UCHL3: variants seen among roughly 807,000 people sequenced by gnomAD.
UCHL3 encodes ubiquitin C-terminal hydrolase L3.
In UCHL3, 22 loss-of-function variants were observed where a neutral mutation model predicts 35.8. That is an observed-to-expected ratio of 0.61 (90% CI 0.44 to 0.88). The LOEUF is 0.88. Among genes scored for constraint, UCHL3 ranks in the 40% least tolerant of loss-of-function variants. The probability of loss-of-function intolerance (pLI) is 0.00; values close to 1 mark genes in which losing one functional copy is unlikely to be tolerated. For missense variants in UCHL3, 229 were observed against 276.9 expected, an observed-to-expected ratio of 0.83 and a Z score of 1.23; for synonymous variants, 90 against 92.8, an observed-to-expected ratio of 0.97 and a Z score of 0.17.
chr13:75,591,923 A>G (rs748755293), intron 6 of UCHL3, among the ~76,000 whole-genome samples: 14 of 152,110 alleles, frequency 9.2e-5, no homozygotes, highest in African/African-American at 1.7e-4. Flanking sequence ...AAAATCCACA[A>G]TGCTGCAGTT....
At chr13:75,595,625 A>G (rs1176792640) in intron 7 of UCHL3, among the ~76,000 whole-genome samples, 3 of 149,574 alleles carry the variant, frequency 2.0e-5, no homozygotes, top group Non-Finnish European at 4.5e-5. Context: ...AAAAAAAAAA[A>G]AAGAGCGTAA....
chr13:75,592,452 A>ATGTATATATATATG lies in UCHL3; in HGVS notation c.475-2462_475-2461insGTATATATATATGT, dbSNP rs71127560. On this transcript the variant is annotated intron_variant, in intron 6 of 8. Coordinates refer to ENST00000377595, the MANE Select transcript of UCHL3 (RefSeq NM_006002.5). Reference sequence around the variant, plus strand: ...TATATATATATATATATATATATATATATATATATATATATGAAGGAAAAA... The same window carrying ATGTATATATATATG: ...TATATATATATATATATATATATATATGTATATATATATGTATATATATATATATGAAGGAAAAA... 7.0e-5 allele frequency among the ~76,000 whole-genome samples: 8 copies of ATGTATATATATATG among 114,832 alleles called. 2 individuals carry two copies. The highest frequency in any genetic ancestry group is 1.9e-4 in the African/African-American group (6 of 31,304). The allele number at this position is 114,832 out of a possible 152,430, so 75.3% of individuals were successfully genotyped here. A position where few individuals can be genotyped will look rare whatever the true frequency, so the allele number is the denominator to read the frequency against.
intron 6 of UCHL3, among the ~76,000 whole-genome samples, chr13:75,572,803 A>T (rs2138508780): frequency 6.6e-6 from 1 of 152,198 alleles, no homozygotes; most frequent in South Asian, 2.1e-4. Context: ...TTTGTGCGGG[A>T]CTGTTTTGTG....
intron 2 of UCHL3, among the ~76,000 whole-genome samples, chr13:75,553,564 C>G (rs1469244499): frequency 6.6e-6 from 1 of 152,160 alleles, no homozygotes; most frequent in African/African-American, 2.4e-5. Context: ...ATCTCCCTTC[C>G]AACTTCTAAG....
intron 2 of UCHL3, among the ~76,000 whole-genome samples, chr13:75,559,320 G>A (rs904703061): frequency 2.8e-5 from 4 of 145,028 alleles, no homozygotes; most frequent in African/African-American, 7.7e-5. Flanking sequence ...GATTACAGGC[G>A]TGAGCCACCG....
chr13:75,576,595 C>T (rs1314260452), intron 6 of UCHL3, among the ~76,000 whole-genome samples: 2 of 152,058 alleles, frequency 1.3e-5, no homozygotes, highest in Non-Finnish European at 2.9e-5. Flanking sequence ...ACCTCGTGAT[C>T]CACCCGCCTC....
rs1220026738 is a variant in UCHL3 at position 75,594,954 on chromosome 13, G to T, written c.514G>T (p.Ala172Ser). The T allele has an allele frequency of 6.2e-7, 1 of 1,608,058 alleles. No individual in the cohort carries two copies. Among genetic ancestry groups the T allele is most frequent in the Admixed American group, 1.7e-5 (1 of 58,220 alleles). ...TGAGAAAGTAGATCTTCATTTTATTGCATTAGTTCATGTAGATGGGCATCT... is the reference window on the plus strand; with the variant it reads ...TGAGAAAGTAGATCTTCATTTTATTTCATTAGTTCATGTAGATGGGCATCT... The part of the protein sequence containing the change: ...IDEKVDLHFI[A>S]LVHVDGHLYE... Residue 172 changes from alanine (A) to serine (S), a missense_variant, in exon 7 of 9, where the codon GCA (alanine) becomes TCA (serine). By Grantham distance (99) the Ala-to-Ser change is moderately conservative. Coordinates refer to ENST00000377595, the MANE Select transcript of UCHL3 (RefSeq NM_006002.5).
At chr13:75,560,433 G>A (rs1389602785) in intron 2 of UCHL3, among the ~76,000 whole-genome samples, 3 of 152,114 alleles carry the variant, frequency 2.0e-5, no homozygotes, top group Non-Finnish European at 2.9e-5. Flanking sequence ...TGTTTGTTAT[G>A]TGCTATAAAT....
At chr13:75,602,588 G>A (rs907503291) in intron 7 of UCHL3, among the ~76,000 whole-genome samples, 3 of 152,166 alleles carry the variant, frequency 2.0e-5, no homozygotes, top group African/African-American at 7.2e-5. Context: ...AAAGTTGTTG[G>A]CAAGTGACAG....
chr13:75,587,375 A>G (rs960363176), intron 6 of UCHL3, among the ~76,000 whole-genome samples: 1 of 152,076 alleles, frequency 6.6e-6, no homozygotes, highest in Non-Finnish European at 1.5e-5. Flanking sequence ...GGGAAATGCT[A>G]TAAATTACAC....
At chr13:75,574,013 C>A (rs566416302) in intron 6 of UCHL3, among the ~76,000 whole-genome samples, 2 of 152,110 alleles carry the variant, frequency 1.3e-5, no homozygotes, top group Non-Finnish European at 2.9e-5. Context: ...GTCAGGAGAT[C>A]GAGGCCATCC....
chr13:75,599,000 C>G (rs1026917470), intron 7 of UCHL3, among the ~76,000 whole-genome samples: 1 of 152,098 alleles, frequency 6.6e-6, no homozygotes, highest in African/African-American at 2.4e-5. Flanking sequence ...TATTTTTATG[C>G]TCAAATTACT....
chr13:75,605,831 A>G lies in UCHL3; in HGVS notation c.*19A>G. The G allele has an allele frequency of 6.2e-7, 1 of 1,610,840 alleles. No homozygotes were observed. The highest frequency in any genetic ancestry group is 8.5e-7 in the Non-Finnish European group (1 of 1,178,460). On this transcript the variant is annotated 3_prime_UTR_variant, in exon 9 of 9. Transcript: ENST00000377595. ...AGCATAGCTTGTCAATAATGGAAACACCAAAAACTGTATTATTTGCAACTA... is the reference window on the plus strand; with the variant it reads ...AGCATAGCTTGTCAATAATGGAAACGCCAAAAACTGTATTATTTGCAACTA...
intron 6 of UCHL3, chr13:75,590,304 T>C: frequency 1.1e-6 from 1 of 939,108 alleles, no homozygotes; most frequent in African/African-American, 1.8e-5. Context: ...AGCTTGACTT[T>C]TGCCAGTGCC....
intron 6 of UCHL3, among the ~76,000 whole-genome samples, chr13:75,587,890 C>T (rs150100553): frequency 6.6e-6 from 1 of 152,062 alleles, no homozygotes; most frequent in African/African-American, 2.4e-5. Flanking sequence ...CCAGTGGTTT[C>T]CCCCAGCTCA....
At chr13:75,549,534 C>A (rs1013145144), upstream of UCHL3, 13 of 418,222 alleles carry the variant, frequency 3.1e-5, no homozygotes, top group Non-Finnish European at 5.0e-5. Context: ...AGAGTCCAAG[C>A]GTGAGGGGAG....
At chr13:75,568,519 T>C (rs996437884) in intron 5 of UCHL3, among the ~76,000 whole-genome samples, 1 of 151,850 alleles carries the variant, frequency 6.6e-6, no homozygotes, top group Admixed American at 6.6e-5. Flanking sequence ...TTGATCATAC[T>C]GTAATACTGT....
At chr13:75,554,622 CT>C (rs1339765425) in intron 2 of UCHL3, among the ~76,000 whole-genome samples, 2 of 152,164 alleles carry the variant, frequency 1.3e-5, no homozygotes, top group East Asian at 3.8e-4. Context: ...TCTCCTTTTG[CT>C]TCCCTAAAAT....
chr13:75,581,154 T>TG (rs201396151), intron 6 of UCHL3, among the ~76,000 whole-genome samples: 2,090 of 151,972 alleles, frequency 0.014, 65 homozygotes, highest in African/African-American at 0.048. Context: ...TTATTTTAAC[T>TG]ATCTACCCAC....
Sources: gnomAD v4.1 joint callset for allele counts (sites outside exome capture counted in the v4.1 genomes callset) on GRCh38, gnomAD v4.1.1 for gene constraint, MANE v1.5 for transcripts, NCBI Gene and HGNC (gene_info 2026-07-23, HGNC 2026-07-21) for gene names.